Variants in TECR observed in about 807,000 individuals in gnomAD.
TECR encodes trans-2,3-enoyl-CoA reductase.
In TECR, 19 loss-of-function variants were observed where a neutral mutation model predicts 50.6. The observed-to-expected ratio is 0.38, with a 90% CI of 0.26 to 0.55. The LOEUF (loss-of-function observed/expected upper bound fraction) is 0.55. Ranked by LOEUF, TECR falls within the 20% of genes least tolerant of loss-of-function variation. TECR has a pLI of 0.79. For missense variants in TECR, 313 were observed against 408.3 expected, an observed-to-expected ratio of 0.77 and a Z score of 2.01; for synonymous variants, 168 against 163.5, an observed-to-expected ratio of 1.03 and a Z score of -0.21.
rs773923569 is a variant in TECR at position 14,563,728 on chromosome 19, GC to G, written c.163+31del. On this transcript the variant is annotated intron_variant, in intron 4 of 12. Transcript: ENST00000215567. This position sits in a 1 kb window ranked among gnomAD's most constrained non-coding sequence, Gnocchi z 5.3. Reference sequence around the variant, plus strand: ...GTGAGTACAGCTGTCCACTCGGCCCGCCCCCTGGGCTCCTGGGTGGCAGTGG... The same window carrying G: ...GTGAGTACAGCTGTCCACTCGGCCCGCCCCTGGGCTCCTGGGTGGCAGTGG... 2 of 1,612,782 alleles carry G rather than the reference GC, an allele frequency of 1.2e-6. No individual in the cohort carries two copies. Among genetic ancestry groups the G allele is most frequent in the African/African-American group, 1.3e-5 (1 of 74,880 alleles).
chr19:14,561,161 G>A (rs891617894), intron 1 of TECR, among the ~76,000 whole-genome samples: 25 of 152,312 alleles, frequency 1.6e-4, no homozygotes, highest in East Asian at 1.2e-3. Context: ...CCTAGCTGCC[G>A]TGGCCCGGTC....
At chr19:14,552,115 A>C (rs1599466812) in intron 1 of TECR, among the ~76,000 whole-genome samples, 2 of 148,958 alleles carry the variant, frequency 1.3e-5, no homozygotes, top group Non-Finnish European at 3.0e-5. Context: ...CTGAGATTAC[A>C]GGCATGAGCC....
intron 1 of TECR, among the ~76,000 whole-genome samples, chr19:14,551,863 T>TATTTCTTC (rs2146603374): frequency 6.6e-6 from 1 of 151,986 alleles, no homozygotes; most frequent in South Asian, 2.1e-4. Flanking sequence ...CTTATTTCTT[T>TATTTCTTC]ATTTCTTCCT....
chr19:14,544,722 T>G (rs986107616), intron 1 of TECR, among the ~76,000 whole-genome samples: 1 of 150,422 alleles, frequency 6.6e-6, no homozygotes, highest in African/African-American at 2.4e-5. Context: ...CAACTCCAAC[T>G]CCTGGGTTCA....
intron 1 of TECR, among the ~76,000 whole-genome samples, chr19:14,557,115 TTA>T (rs1486175404): frequency 3.4e-4 from 1 of 2,914 alleles, no homozygotes; most frequent in Non-Finnish European, 1.9e-3. Flanking sequence ...TGGTCTAATC[TTA>T]TTTATTTATT....
chr19:14,552,398 GGA>G (rs2073559162), intron 1 of TECR, among the ~76,000 whole-genome samples: 3 of 151,698 alleles, frequency 2.0e-5, no homozygotes. Flanking sequence ...TTTTATTGTA[GGA>G]GCTTTGGGCC....
intron 6 of TECR, 35 bp downstream of exon 6, chr19:14,564,132 G>A (rs1258825832): frequency 1.9e-6 from 3 of 1,607,028 alleles, no homozygotes; most frequent in Non-Finnish European, 2.5e-6. Flanking sequence ...GTAGGGGAAG[G>A]CAGAAGACCT....
At chr19:14,528,727 G>A (rs979112051), upstream of TECR, among the ~76,000 whole-genome samples, 11 of 151,758 alleles carry the variant, frequency 7.2e-5, no homozygotes, top group Non-Finnish European at 1.3e-4. Context: ...ATCACCTGAG[G>A]TCAGGAGTTC....
intron 1 of TECR, among the ~76,000 whole-genome samples, chr19:14,540,529 T>C (rs1247136199): frequency 6.6e-6 from 1 of 151,540 alleles, no homozygotes; most frequent in Non-Finnish European, 1.5e-5. Context: ...GTAGCTGGGA[T>C]TACTGGTGCC....
chr19:14,562,356 C>A, intron 1 of TECR, 169 bp from the exon 2 acceptor site: 1 of 731,776 alleles, frequency 1.4e-6, no homozygotes, highest in South Asian at 1.5e-5. Context: ...CTGCTGGCCA[C>A]CGTGGGCAGA....
intron 1 of TECR, among the ~76,000 whole-genome samples, chr19:14,532,891 CTT>C (rs2072726667): frequency 6.6e-6 from 1 of 150,784 alleles, no homozygotes; most frequent in Non-Finnish European, 1.5e-5. Flanking sequence ...GGGTGAATCA[CTT>C]GAAGTCAGGA....
intron 1 of TECR, among the ~76,000 whole-genome samples, chr19:14,553,021 G>A (rs1230509749): frequency 6.6e-6 from 1 of 152,062 alleles, no homozygotes; most frequent in Non-Finnish European, 1.5e-5. Flanking sequence ...TAGGCTGTGG[G>A]TACCACTGAG....
At chr19:14,537,641 G>T (rs895654613) in intron 1 of TECR, among the ~76,000 whole-genome samples, 1 of 152,158 alleles carries the variant, frequency 6.6e-6, no homozygotes, top group African/African-American at 2.4e-5. Flanking sequence ...GATACTGATA[G>T]TGGCAGCTGA....
chr19:14,536,240 G>C (rs533319410), intron 1 of TECR, among the ~76,000 whole-genome samples: 1 of 151,694 alleles, frequency 6.6e-6, no homozygotes, highest in African/African-American at 2.4e-5. Flanking sequence ...TGGAGCCCAC[G>C]GGCAAGGTCT....
Position 14,565,110 on chromosome 19 carries a change from C to G in TECR, c.651C>G (p.Asp217Glu), listed in dbSNP as rs1383359863. ...TCTCCATCCACATGGCCCTGCGGGACCTGCGGCCCGCTGGTGAGTGCCTGC... is the reference window on the plus strand; with the variant it reads ...TCTCCATCCACATGGCCCTGCGGGAGCTGCGGCCCGCTGGTGAGTGCCTGC... Reference protein sequence around the residue: ...GNFSIHMALRDLRPAGSKTRK... With the variant: ...GNFSIHMALRELRPAGSKTRK... Residue 217 changes from aspartate (D) to glutamate (E), a missense_variant, in exon 10 of 13, where the codon GAC (aspartate) becomes GAG (glutamate). By Grantham distance (45) the Asp-to-Glu change is conservative (BLOSUM62 2). Transcript: ENST00000215567. 7.4e-6 allele frequency: 12 copies of G among 1,613,710 alleles called. No individual in the cohort carries two copies. The highest frequency in any genetic ancestry group is 9.3e-6 in the Non-Finnish European group (11 of 1,180,040).
Position 14,548,352 on chromosome 19 carries a change from C to T in TECR, c.16-14173C>T, listed in dbSNP as rs572081731. ...TTCCCCACCCCCTTGGTGGCAGTTC[C>T]GGCCTGTTTGTTACCCAGGCCCTAA... On this transcript the variant is annotated intron_variant, in intron 1 of 12. Transcript: ENST00000215567. Among the ~76,000 whole-genome samples the T allele has an allele frequency of 9.9e-5, 15 of 152,198 alleles. No homozygotes were observed. The South Asian group carries it at 1.5e-3, about 15-fold the overall frequency.
chr19:14,546,673 C>T (rs2073317685), intron 1 of TECR, among the ~76,000 whole-genome samples: 1 of 152,136 alleles, frequency 6.6e-6, no homozygotes, highest in Non-Finnish European at 1.5e-5. Context: ...TGAAATATTT[C>T]TTAAACATTA....
chr19:14,543,539 C>T (rs1464533575), intron 1 of TECR, among the ~76,000 whole-genome samples: 2 of 139,758 alleles, frequency 1.4e-5, no homozygotes, highest in South Asian at 2.3e-4. Flanking sequence ...CCCGGGTTCA[C>T]GCCATTCTCC....
intron 7 of TECR, 175 bp from the exon 8 acceptor site, chr19:14,564,611 T>C: frequency 6.7e-6 from 1 of 148,530 alleles, no homozygotes. Flanking sequence ...CACCACGCCC[T>C]CACAGAGCCC....
Sources: gnomAD v4.1 joint callset for allele counts (sites outside exome capture counted in the v4.1 genomes callset) on GRCh38, gnomAD v4.1.1 for gene constraint, Gnocchi (gnomAD v3.1) non-coding constraint, MANE v1.5 for transcripts, NCBI Gene and HGNC (gene_info 2026-07-23, HGNC 2026-07-21) for gene names.